Variants in SRPK2 observed in about 807,000 individuals in gnomAD.
SRPK2 encodes SRSF protein kinase 2, also known as SFRS protein kinase 2.
Under a neutral mutation model 90.8 loss-of-function variants are expected in SRPK2, and 21 were observed. The ratio of observed to expected loss-of-function variants is 0.23; its 90% CI spans 0.16 to 0.33. The LOEUF (loss-of-function observed/expected upper bound fraction) is 0.33. Ranked by LOEUF, SRPK2 falls within the 10% of genes least tolerant of loss-of-function variation. SRPK2 has a pLI of 1.00. For missense variants in SRPK2, 620 were observed against 869.0 expected (o/e 0.71, Z 3.60); for synonymous variants, 288 against 311.1 (o/e 0.93, Z 0.78).
chr7:105,150,799 T>C (rs1805535860), intron 7 of SRPK2, among the ~76,000 whole-genome samples: 1 of 152,220 alleles, frequency 6.6e-6, no homozygotes, highest in Admixed American at 6.5e-5. Context: ...ATACGATTTT[T>C]GAAAAATCGT....
At chr7:105,386,850 G>C (rs1821676289) in intron 2 of SRPK2, among the ~76,000 whole-genome samples, 1 of 152,138 alleles carries the variant, frequency 6.6e-6, no homozygotes, top group African/African-American at 2.4e-5. Flanking sequence ...ATCATTAGCT[G>C]GTGTGTTATT....
At chr7:105,298,032 G>A (rs1171332017) in intron 2 of SRPK2, among the ~76,000 whole-genome samples, 1 of 152,070 alleles carries the variant, frequency 6.6e-6, no homozygotes, top group Admixed American at 6.6e-5. Context: ...GAGCCACCAC[G>A]CCTGGCCTGT....
At chr7:105,301,495 A>G in intron 2 of SRPK2, 1 of 1,210,934 alleles carries the variant, frequency 8.3e-7, no homozygotes, top group East Asian at 2.3e-5. Context: ...CCGTCCACTC[A>G]GGAGGCGCCC....
At chr7:105,178,752 TGAG>T (rs1423855552) in intron 3 of SRPK2, among the ~76,000 whole-genome samples, 1 of 152,042 alleles carries the variant, frequency 6.6e-6, no homozygotes, top group African/African-American at 2.4e-5. Context: ...GAAGCTGCAA[TGAG>T]TAGTGATGAC....
intron 2 of SRPK2, among the ~76,000 whole-genome samples, chr7:105,275,450 G>T (rs2130683960): frequency 6.6e-6 from 1 of 152,020 alleles, no homozygotes; most frequent in Non-Finnish European, 1.5e-5. Context: ...TCATTCTCTT[G>T]CATCCAACCT....
intron 2 of SRPK2, among the ~76,000 whole-genome samples, chr7:105,306,825 C>T (rs1811199999): frequency 6.6e-6 from 1 of 151,820 alleles, no homozygotes; most frequent in South Asian, 2.1e-4. Context: ...TAGAAGAAAA[C>T]AATACAAAGG....
intron 2 of SRPK2, among the ~76,000 whole-genome samples, chr7:105,347,917 C>G (rs759810754): frequency 3.4e-4 from 52 of 151,016 alleles, no homozygotes; most frequent in Non-Finnish European, 7.2e-4. Context: ...ATTACATTAA[C>G]AAAGACATCT....
chr7:105,262,127 C>A (rs1371775426), intron 2 of SRPK2, among the ~76,000 whole-genome samples: 1 of 152,048 alleles, frequency 6.6e-6, no homozygotes, highest in Non-Finnish European at 1.5e-5. Flanking sequence ...TGTAAGCAAC[C>A]CTCCAGAGAA....
In SRPK2 at chr7:105,147,780, A is replaced by AT. The variant is rs557191826; in HGVS notation, c.622-1123dup. 1.2e-4 allele frequency among the ~76,000 whole-genome samples: 18 copies of AT among 152,290 alleles called. No individual in the cohort carries two copies. In the South Asian group the frequency reaches 2.7e-3, roughly 23 times the overall value. On this transcript the variant is annotated intron_variant, in intron 7 of 15. Coordinates refer to ENST00000393651, the MANE Select transcript of SRPK2 (RefSeq NM_182692.3). ...TCCTATAAATGGAATCATATAAAGT[A>AT]TTTTTTTGTAACTGGCATAATGTTT... is the stretch of plus-strand genomic sequence containing the variant.
chr7:105,159,944 T>G (rs780137405), intron 7 of SRPK2, among the ~76,000 whole-genome samples: 1 of 152,204 alleles, frequency 6.6e-6, no homozygotes, highest in South Asian at 2.1e-4. Context: ...TAACCCAGTA[T>G]GACATATAGA....
At chr7:105,132,597 A>G (rs1003855441) in intron 13 of SRPK2, among the ~76,000 whole-genome samples, 194 bp downstream of exon 13, 4 of 152,192 alleles carry the variant, frequency 2.6e-5, no homozygotes, top group Admixed American at 1.3e-4. Flanking sequence ...CCAAACACCC[A>G]GGGCCCGCCT....
chr7:105,367,290 T>C (rs1399380663), intron 2 of SRPK2, among the ~76,000 whole-genome samples: 1 of 152,012 alleles, frequency 6.6e-6, no homozygotes, highest in Non-Finnish European at 1.5e-5. Flanking sequence ...TGAGACAGGT[T>C]CCGGCTCTGT....
At chr7:105,150,345 C>G (rs1001201599) in intron 7 of SRPK2, among the ~76,000 whole-genome samples, 1 of 152,086 alleles carries the variant, frequency 6.6e-6, no homozygotes, top group Admixed American at 6.6e-5. Context: ...ATGGCGAAAC[C>G]CTGTCTCTAC....
chr7:105,121,100 C>A (rs1220030012), intron 15 of SRPK2, among the ~76,000 whole-genome samples: 2 of 152,160 alleles, frequency 1.3e-5, no homozygotes, highest in African/African-American at 2.4e-5. Flanking sequence ...GTAATTCCAG[C>A]ACTCTGGGAG....
chr7:105,127,582 A>G (rs1330520057), intron 13 of SRPK2, among the ~76,000 whole-genome samples: 3 of 152,220 alleles, frequency 2.0e-5, no homozygotes, highest in Non-Finnish European at 4.4e-5. Context: ...CAACCAAAGG[A>G]AAACCTGGAA....
chr7:105,166,393 A>C (rs746550763), intron 6 of SRPK2, among the ~76,000 whole-genome samples: 3 of 152,208 alleles, frequency 2.0e-5, no homozygotes, highest in Non-Finnish European at 2.9e-5. Context: ...AGAACCCGTT[A>C]ATGTCTTTGG....
At chr7:105,309,417 G>A (rs760527309) in intron 2 of SRPK2, among the ~76,000 whole-genome samples, 3 of 152,094 alleles carry the variant, frequency 2.0e-5, no homozygotes, top group Non-Finnish European at 4.4e-5. Flanking sequence ...TCAGCTAAAG[G>A]CCTTGAAAAT....
chr7:105,249,189 C>G (rs1802149462), intron 2 of SRPK2, among the ~76,000 whole-genome samples: 1 of 152,116 alleles, frequency 6.6e-6, no homozygotes, highest in South Asian at 2.1e-4. Flanking sequence ...CTTTGTTGTT[C>G]AGATATTATA....
At chr7:105,236,995 G>T (rs1800223184) in intron 2 of SRPK2, among the ~76,000 whole-genome samples, 1 of 152,216 alleles carries the variant, frequency 6.6e-6, no homozygotes, top group African/African-American at 2.4e-5. Context: ...TTAAATTATA[G>T]TTGGTGATAC....
Sources: allele counts gnomAD v4.1 joint callset (sites outside exome capture counted in the v4.1 genomes callset), GRCh38; gene constraint gnomAD v4.1.1; transcripts MANE v1.5; gene names NCBI Gene and HGNC (gene_info 2026-07-23, HGNC 2026-07-21).